GALNT13: variants seen among roughly 807,000 people sequenced by gnomAD.
The protein encoded by GALNT13 is polypeptide N-acetylgalactosaminyltransferase 13, also known as UDP-GalNAc:polypeptide N-acetylgalactosaminyltransferase 13.
In GALNT13, 28 loss-of-function variants were observed where a neutral mutation model predicts 64.2. That is an observed-to-expected ratio of 0.44 (90% CI 0.32 to 0.60). The LOEUF is 0.60. Among genes scored for constraint, GALNT13 ranks in the 20% least tolerant of loss-of-function variants. GALNT13 has a pLI of 0.05. For missense variants in GALNT13, 577 were observed against 669.8 expected, an observed-to-expected ratio of 0.86 and a Z score of 1.53; for synonymous variants, 214 against 224.6, an observed-to-expected ratio of 0.95 and a Z score of 0.42.
rs150686050 is a variant in GALNT13 at position 154,335,581 on chromosome 2, C to A, written c.1156+33992C>A. 3.6e-4 allele frequency among the ~76,000 whole-genome samples: 55 copies of A among 152,042 alleles called. No homozygotes were observed. The East Asian group carries it at 0.01, about 29-fold the overall frequency. ...ATTAAATACAATAGACTCCTGGGAC[C>A]CTTCTCTGTAATGGCCCTTTGTTGT... On this transcript the variant is annotated intron_variant, in intron 9 of 12. Transcript: ENST00000392825.
At chr2:153,204,753 A>G in the GALNT13 span, among the ~76,000 whole-genome samples, 1 of 152,152 alleles carries the variant, frequency 6.6e-6, no homozygotes, top group African/African-American at 2.4e-5. Context: ...TTGCAAATTA[A>G]TGGATGCAAA....
chr2:153,698,119 C>T, the GALNT13 span, among the ~76,000 whole-genome samples: 1 of 152,078 alleles, frequency 6.6e-6, no homozygotes, highest in African/African-American at 2.4e-5. Context: ...AGGAAAAACC[C>T]GTTCCAGCCA....
intron 9 of GALNT13, among the ~76,000 whole-genome samples, chr2:154,390,005 A>T (rs894243828): frequency 2.0e-5 from 3 of 152,184 alleles, no homozygotes; most frequent in Non-Finnish European, 4.4e-5. Context: ...TTGATTTCCT[A>T]AGAAAGGAAC....
chr2:153,327,178 T>C, the GALNT13 span, among the ~76,000 whole-genome samples: 5 of 152,236 alleles, frequency 3.3e-5, no homozygotes, highest in Non-Finnish European at 7.3e-5. Context: ...CTGCTGTTAG[T>C]CTGATGGGCT....
intron 3 of GALNT13, among the ~76,000 whole-genome samples, chr2:154,025,688 T>A (rs1273683492): frequency 6.6e-6 from 1 of 152,174 alleles, no homozygotes; most frequent in East Asian, 1.9e-4. Flanking sequence ...TCTTTATTAA[T>A]TACTCACTCT....
intron 3 of GALNT13, among the ~76,000 whole-genome samples, chr2:154,052,837 C>T (rs945434699): frequency 6.7e-6 from 1 of 150,294 alleles, no homozygotes; most frequent in African/African-American, 2.5e-5. Flanking sequence ...CCCGGGTTCT[C>T]GCCATTCTTC....
chr2:153,345,643 C>CTTTA, the GALNT13 span, among the ~76,000 whole-genome samples: 1 of 99,182 alleles, frequency 1.0e-5, no homozygotes, highest in African/African-American at 4.1e-5. Context: ...CTTTTTCTTT[C>CTTTA]TTTCTTTCTT....
chr2:153,079,720 T>A, the GALNT13 span, among the ~76,000 whole-genome samples: 1 of 152,170 alleles, frequency 6.6e-6, no homozygotes, highest in South Asian at 2.1e-4. Flanking sequence ...ATACAGGTTG[T>A]CCCTGGTCAT....
At chr2:153,262,089 G>A in the GALNT13 span, among the ~76,000 whole-genome samples, 9 of 152,100 alleles carry the variant, frequency 5.9e-5, no homozygotes, top group East Asian at 5.8e-4. Context: ...ATGCAAGACC[G>A]AGTCCCCTTT....
chr2:154,238,731 A>C (rs933654228), intron 4 of GALNT13, among the ~76,000 whole-genome samples: 5 of 151,990 alleles, frequency 3.3e-5, no homozygotes, highest in African/African-American at 7.2e-5. Flanking sequence ...TGACAACTAA[A>C]AGTTATATAT....
intron 4 of GALNT13, among the ~76,000 whole-genome samples, chr2:154,178,462 G>A (rs1685776345): frequency 6.6e-6 from 1 of 151,822 alleles, no homozygotes; most frequent in Non-Finnish European, 1.5e-5. Flanking sequence ...TATACCTAAT[G>A]TTAAATGACG....
the GALNT13 span, among the ~76,000 whole-genome samples, chr2:153,846,768 T>G: frequency 6.6e-6 from 1 of 152,022 alleles, no homozygotes; most frequent in African/African-American, 2.4e-5. Context: ...AATACGCAGA[T>G]AGAGGCAAAA....
the GALNT13 span, among the ~76,000 whole-genome samples, chr2:153,256,922 C>T: frequency 1.3e-5 from 2 of 152,208 alleles, no homozygotes; most frequent in African/African-American, 4.8e-5. Context: ...TGTGCCCTGC[C>T]CGCAGAGGTG....
intron 10 of GALNT13, among the ~76,000 whole-genome samples, chr2:154,398,509 T>G (rs530898884): frequency 9.4e-4 from 125 of 132,316 alleles, no homozygotes; most frequent in African/African-American, 3.8e-3. Context: ...AAATTAGCTA[T>G]CTTCTAAATG....
chr2:154,341,070 C>A (rs1357962905), intron 9 of GALNT13, among the ~76,000 whole-genome samples: 1 of 152,068 alleles, frequency 6.6e-6, no homozygotes, highest in Non-Finnish European at 1.5e-5. Context: ...AGAAGGCACA[C>A]ATATAAAGTA....
At chr2:153,419,452 C>T in the GALNT13 span, among the ~76,000 whole-genome samples, 1 of 152,128 alleles carries the variant, frequency 6.6e-6, no homozygotes, top group Non-Finnish European at 1.5e-5. Flanking sequence ...AATCATATAT[C>T]CTCCGTGATT....
chr2:153,304,921 G>C, the GALNT13 span, among the ~76,000 whole-genome samples: 2 of 152,188 alleles, frequency 1.3e-5, no homozygotes, highest in Non-Finnish European at 2.9e-5. Context: ...TGTGGAGAAA[G>C]TTGTAGTGGG....
At chr2:153,795,023 A>G in the GALNT13 span, among the ~76,000 whole-genome samples, 4 of 152,210 alleles carry the variant, frequency 2.6e-5, no homozygotes, top group Middle Eastern at 3.2e-3. Context: ...TAAATTAAAA[A>G]GAAAGAAACA....
chr2:153,389,714 G>C, the GALNT13 span, among the ~76,000 whole-genome samples: 1 of 152,098 alleles, frequency 6.6e-6, no homozygotes, highest in East Asian at 1.9e-4. Flanking sequence ...TGTATAAACA[G>C]AATGTTTTCT....
Sources: gnomAD v4.1 joint callset for allele counts (sites outside exome capture counted in the v4.1 genomes callset) on GRCh38, gnomAD v4.1.1 for gene constraint, MANE v1.5 for transcripts, NCBI Gene and HGNC (gene_info 2026-07-23, HGNC 2026-07-21) for gene names.